The following PAGE2B variants were observed in gnomAD, a reference collection of about 807,000 sequenced individuals.
PAGE2B encodes the protein putative G antigen family E member 3.
A neutral mutation model predicts 7.6 loss-of-function variants in PAGE2B; 5 were observed. The ratio of observed to expected loss-of-function variants is 0.66; its 90% CI spans 0.34 to 1.38. PAGE2B has a LOEUF of 1.38. Among genes scored for constraint, PAGE2B ranks in the 40% most tolerant of loss-of-function variants. The pLI is 0.04. For missense variants in PAGE2B, 70 were observed against 78.4 expected, an observed-to-expected ratio of 0.89 and a Z score of 0.41; for synonymous variants, 29 against 26.7, an observed-to-expected ratio of 1.09 and a Z score of -0.27.
chrX:55,057,083 TCAC>T, the PAGE2B span, among the ~76,000 whole-genome samples: 1 of 111,519 alleles, frequency 9.0e-6, no homozygotes, highest in Admixed American at 9.5e-5. Context: ...TTACTCAACT[TCAC>T]CAACAGACTT....
the PAGE2B span, among the ~76,000 whole-genome samples, chrX:55,054,376 G>T: frequency 1.8e-5 from 2 of 112,326 alleles, no homozygotes; most frequent in Admixed American, 9.4e-5. Flanking sequence ...CTATTTACAT[G>T]TCAGTGTTTT....
At chrX:55,067,328 T>C in the PAGE2B span, among the ~76,000 whole-genome samples, 1 of 111,061 alleles carries the variant, frequency 9.0e-6, no homozygotes, top group East Asian at 2.8e-4. Flanking sequence ...CTTGTGTTAG[T>C]TTGCTGAGAA....
the PAGE2B span, among the ~76,000 whole-genome samples, chrX:55,041,377 G>A: frequency 9.0e-6 from 1 of 110,874 alleles, no homozygotes; most frequent in Non-Finnish European, 1.9e-5. Flanking sequence ...CACCGTGCCC[G>A]GCCTCAATAA....
chrX:55,076,443 T>G lies in PAGE2B; in HGVS notation c.85-126T>G, dbSNP rs1228726410. 8.0e-6 allele frequency: 5 copies of G among 625,552 alleles called. No individual in the cohort carries two copies. In the South Asian group the frequency reaches 9.7e-5, roughly 12 times the overall value. The allele number at this position is 625,552 out of a possible 1,213,427, so 51.6% of individuals were successfully genotyped here. On this transcript the variant is annotated intron_variant, in intron 2 of 4. Coordinates refer to ENST00000374971, the MANE Select transcript of PAGE2B (RefSeq NM_001015038.3). ...ACGTATGTATGTATATATACATATATGTATATACATATATATGTGTTTATA... is the reference window on the plus strand; with the variant it reads ...ACGTATGTATGTATATATACATATAGGTATATACATATATATGTGTTTATA...
At chrX:55,031,499 A>T in the PAGE2B span, among the ~76,000 whole-genome samples, 2 of 112,197 alleles carry the variant, frequency 1.8e-5, no homozygotes, top group East Asian at 5.6e-4. Flanking sequence ...CTGAGTGCTT[A>T]CAATGCACCA....
upstream of PAGE2B, among the ~76,000 whole-genome samples, chrX:55,071,058 G>A (rs1453752354): frequency 8.9e-6 from 1 of 111,993 alleles, no homozygotes; most frequent in Non-Finnish European, 1.9e-5. Flanking sequence ...TGTTATATGT[G>A]CATTTGATCC....
chrX:55,068,182 G>A, the PAGE2B span, among the ~76,000 whole-genome samples: 7,745 of 112,019 alleles, frequency 0.069, 613 homozygotes, highest in African/African-American at 0.23. Flanking sequence ...GGGTTTTTAT[G>A]GTTTTAGATC....
the PAGE2B span, among the ~76,000 whole-genome samples, chrX:55,051,916 T>C: frequency 1.3e-3 from 147 of 111,949 alleles, no homozygotes; most frequent in African/African-American, 4.4e-3. Context: ...TTTTCTGCTC[T>C]GTTTTTTCCA....
chrX:55,056,363 G>T, the PAGE2B span, among the ~76,000 whole-genome samples: 1 of 110,967 alleles, frequency 9.0e-6, no homozygotes, highest in African/African-American at 3.3e-5. Flanking sequence ...AGTCTTTTAG[G>T]CCAAAGAAAA....
At chrX:55,051,673 G>C in the PAGE2B span, among the ~76,000 whole-genome samples, 1 of 111,623 alleles carries the variant, frequency 9.0e-6, no homozygotes, top group Non-Finnish European at 1.9e-5. Flanking sequence ...GTCTTTTAAG[G>C]ACTTCTCTGC....
chrX:55,059,072 A>G, the PAGE2B span, among the ~76,000 whole-genome samples: 3 of 111,674 alleles, frequency 2.7e-5, no homozygotes, highest in Non-Finnish European at 5.7e-5. Context: ...TTAGCGTGGG[A>G]CATTAGCATG....
the PAGE2B span, among the ~76,000 whole-genome samples, chrX:55,042,875 G>A: frequency 1.8e-5 from 2 of 109,071 alleles, no homozygotes; most frequent in Non-Finnish European, 3.8e-5. Flanking sequence ...ACAAAAAGGA[G>A]TCCACATAGC....
the PAGE2B span, chrX:55,054,867 A>G: frequency 8.9e-6 from 1 of 111,740 alleles, no homozygotes; most frequent in Non-Finnish European, 1.9e-5. Flanking sequence ...GATATGCACA[A>G]ATCTGTGCAA....
At chrX:55,051,608 T>C in the PAGE2B span, among the ~76,000 whole-genome samples, 2 of 112,455 alleles carry the variant, frequency 1.8e-5, no homozygotes, top group African/African-American at 6.5e-5. Flanking sequence ...CATCAGTTAC[T>C]GAGGCTTGTG....
the PAGE2B span, among the ~76,000 whole-genome samples, chrX:55,038,601 A>C: frequency 8.9e-6 from 1 of 111,863 alleles, no homozygotes; most frequent in South Asian, 3.7e-4. Flanking sequence ...GCTGTCTCTT[A>C]CTTTCAATCA....
the PAGE2B span, among the ~76,000 whole-genome samples, chrX:55,054,777 A>T: frequency 8.9e-6 from 1 of 111,916 alleles, no homozygotes; most frequent in Non-Finnish European, 1.9e-5. Flanking sequence ...TTTAAAAGAA[A>T]AACTTATTTT....
At chrX:55,067,641 A>G in the PAGE2B span, among the ~76,000 whole-genome samples, 1 of 111,905 alleles carries the variant, frequency 8.9e-6, no homozygotes. Context: ...TGTCTTCCAC[A>G]GTGGTTGAAC....
At chrX:55,028,191 G>T in the PAGE2B span, among the ~76,000 whole-genome samples, 1 of 111,054 alleles carries the variant, frequency 9.0e-6, no homozygotes, top group Non-Finnish European at 1.9e-5. Context: ...GGCTGAGCCT[G>T]CAGACCACAG....
At chrX:55,035,325 A>C in the PAGE2B span, among the ~76,000 whole-genome samples, 1 of 111,935 alleles carries the variant, frequency 8.9e-6, no homozygotes, top group East Asian at 2.8e-4. Flanking sequence ...AATATGAGCA[A>C]AAGGAAAAAA....
Sources: allele counts gnomAD v4.1 joint callset (sites outside exome capture counted in the v4.1 genomes callset), GRCh38; gene constraint gnomAD v4.1.1; transcripts MANE v1.5; gene names NCBI Gene and HGNC (gene_info 2026-07-23, HGNC 2026-07-21).